The following RB1CC1 variants were observed in gnomAD, a reference collection of about 807,000 sequenced individuals.
The protein encoded by RB1CC1 is RB1-inducible coiled-coil protein 1.
A neutral mutation model predicts 177.5 loss-of-function variants in RB1CC1; 46 were observed. The observed-to-expected ratio is 0.26, with a 90% CI of 0.20 to 0.33. The LOEUF (loss-of-function observed/expected upper bound fraction) is 0.33. RB1CC1 is among the 10% of genes least tolerant of loss of function. The pLI is 1.00. For missense variants in RB1CC1, 1,703 were observed against 1,816.3 expected, an observed-to-expected ratio of 0.94 and a Z score of 1.13; for synonymous variants, 666 against 613.6, an observed-to-expected ratio of 1.09 and a Z score of -1.26.
chr8:52,627,377 A>G (rs569439587), intron 22 of RB1CC1, among the ~76,000 whole-genome samples: 14 of 152,292 alleles, frequency 9.2e-5, no homozygotes, highest in Admixed American at 7.8e-4. Flanking sequence ...AAATATATAG[A>G]TAAGATACTT....
chr8:52,645,793 T>G lies in RB1CC1; in HGVS notation c.3896A>C (p.Lys1299Thr). 1 of 1,611,344 alleles carries G rather than the reference T, an allele frequency of 6.2e-7. No individual in the cohort carries two copies. The highest frequency in any genetic ancestry group is 8.5e-7 in the Non-Finnish European group (1 of 1,179,278). ...AELQEKLQEE[K>T]AKFLEQLEEQ... ...TTCAAGTTGTTCTAGAAACTTAGCT[T>G]TTTCTTCCTGAAGCTTTTCTTGAAG... is the stretch of plus-strand genomic sequence containing the variant. The change falls in exon 16 of 24, where the codon AAA becomes ACA. Residue 1299 changes from lysine (K) to threonine (T), a missense_variant. Around this residue, in one of 6 missense-constraint regions of RB1CC1, gnomAD observed 1,169 missense variants for 1,184.7 expected, o/e 0.99. Transcript: ENST00000025008.
At chr8:52,680,702 AG>A (rs1476069463) in intron 5 of RB1CC1, among the ~76,000 whole-genome samples, 7 of 152,240 alleles carry the variant, frequency 4.6e-5, no homozygotes, top group Non-Finnish European at 7.3e-5. Context: ...TTCGTACAAT[AG>A]AATACAATGC....
Position 52,656,316 on chromosome 8 carries a change from GTTT to G in RB1CC1, c.3510_3512del (p.Lys1170del). Reference sequence around the variant, plus strand: ...GCAGTTCAATTATTTGTTCTTTTAGGTTTTTTTCTATTTCAAATGCTTGGTTAT... The same window carrying G: ...GCAGTTCAATTATTTGTTCTTTTAGGTTTTCTATTTCAAATGCTTGGTTAT... On this transcript the variant is annotated inframe_deletion, in exon 15 of 24. Coordinates refer to ENST00000025008, the MANE Select transcript of RB1CC1 (RefSeq NM_014781.5). 6.2e-7 allele frequency: 1 copy of G among 1,612,518 alleles called. No individual in the cohort carries two copies. Among genetic ancestry groups the G allele is most frequent in the Non-Finnish European group, 8.5e-7 (1 of 1,179,622 alleles).
chr8:52,713,271 G>A (rs1206842445), intron 1 of RB1CC1, among the ~76,000 whole-genome samples: 1 of 152,134 alleles, frequency 6.6e-6, no homozygotes, highest in East Asian at 1.9e-4. Context: ...CTACTTCAAG[G>A]TATGACCACA....
At chr8:52,658,213 A>G (rs1226102032) in intron 13 of RB1CC1, 89 bp from the exon 14 acceptor site, 17 of 1,314,886 alleles carry the variant, frequency 1.3e-5, no homozygotes, top group Non-Finnish European at 1.6e-5. Flanking sequence ...GTCAAAAATA[A>G]CAAGAGCCTT....
chr8:52,658,237 A>C lies in RB1CC1; in HGVS notation c.1794-113T>G, dbSNP rs541807937. On this transcript the variant is annotated intron_variant, in intron 13 of 23. Transcript: ENST00000025008. ...AACAAGAGCCTTATCATTCCTTTTT[A>C]AATTAATACCAGAAGTATTTTAAGA... 64 of 1,161,508 alleles carry C rather than the reference A, an allele frequency of 5.5e-5. 1 individual carries two copies. The South Asian group carries it at 9.8e-4, about 18-fold the overall frequency. 72.0% of individuals were successfully genotyped at this position (1,161,508 alleles called of 1,614,324 possible).
intron 1 of RB1CC1, among the ~76,000 whole-genome samples, chr8:52,699,856 T>TACAC (rs1411241229): frequency 1.2e-5 from 1 of 86,942 alleles, no homozygotes; most frequent in African/African-American, 4.3e-5. Context: ...TATATATATA[T>TACAC]ATACACACAA....
chr8:52,694,004 T>G (rs1225626939), intron 1 of RB1CC1, among the ~76,000 whole-genome samples: 1 of 152,226 alleles, frequency 6.6e-6, no homozygotes, highest in Non-Finnish European at 1.5e-5. Flanking sequence ...CTGGTCATCC[T>G]GGCAGTGTGG....
chr8:52,704,454 T>C (rs1039169693), intron 1 of RB1CC1, among the ~76,000 whole-genome samples: 5 of 85,524 alleles, frequency 5.8e-5, no homozygotes, highest in Non-Finnish European at 1.4e-4. Flanking sequence ...AAAGGTGACA[T>C]TAAAAAAAAA....
At chr8:52,694,068 G>C (rs900002426) in intron 1 of RB1CC1, among the ~76,000 whole-genome samples, 1 of 152,104 alleles carries the variant, frequency 6.6e-6, no homozygotes, top group Non-Finnish European at 1.5e-5. Context: ...AACATATAGA[G>C]GAGAACCTAC....
intron 8 of RB1CC1, among the ~76,000 whole-genome samples, chr8:52,664,432 C>A (rs1004567749): frequency 6.6e-6 from 1 of 151,994 alleles, no homozygotes; most frequent in African/African-American, 2.4e-5. Context: ...AAGGACTATA[C>A]CACTCAGGTA....
At chr8:52,651,423 CCCACAAAACTTAAA>C (rs1850573601) in intron 15 of RB1CC1, among the ~76,000 whole-genome samples, 1 of 152,192 alleles carries the variant, frequency 6.6e-6, no homozygotes, top group African/African-American at 2.4e-5. Flanking sequence ...GGCCATTTGG[CCCACAAAACTTAAA>C]CTACTTACTA....
chr8:52,666,650 G>A (rs1852095025), intron 8 of RB1CC1, among the ~76,000 whole-genome samples: 1 of 152,074 alleles, frequency 6.6e-6, no homozygotes, highest in African/African-American at 2.4e-5. Flanking sequence ...GATGATGAAT[G>A]GCTAAGACTA....
intron 7 of RB1CC1, among the ~76,000 whole-genome samples, chr8:52,672,954 A>G (rs1852745261): frequency 6.6e-6 from 1 of 152,224 alleles, no homozygotes; most frequent in Non-Finnish European, 1.5e-5. Context: ...AGAAATGCTT[A>G]GCCTACAGAA....
At chr8:52,681,142 C>T (rs1853680364) in intron 5 of RB1CC1, among the ~76,000 whole-genome samples, 1 of 151,780 alleles carries the variant, frequency 6.6e-6, no homozygotes, top group Admixed American at 6.6e-5. Context: ...CAGGCACATG[C>T]CAGCATGCCC....
rs750115861 is a variant in RB1CC1 at position 52,623,677 on chromosome 8, T to C, written c.*105A>G. 1 of 788,798 alleles carries C rather than the reference T, an allele frequency of 1.3e-6. No homozygotes were observed. The highest frequency in any genetic ancestry group is 2.6e-5 in the East Asian group (1 of 38,208). 48.9% of individuals were successfully genotyped at this position (788,798 alleles called of 1,614,324 possible). On this transcript the variant is annotated 3_prime_UTR_variant, in exon 24 of 24. Transcript: ENST00000025008. The stretch of plus-strand genomic sequence containing the variant: ...ACACCAGTGAAGTATATTGTCACGC[T>C]GACTTTTGCATAAAAAGATGGCCTG...
intron 1 of RB1CC1, among the ~76,000 whole-genome samples, chr8:52,687,401 T>C (rs1257042938): frequency 6.6e-6 from 1 of 152,192 alleles, no homozygotes; most frequent in Non-Finnish European, 1.5e-5. Flanking sequence ...ATCCACCTAC[T>C]GTATTCATAC....
chr8:52,658,150 A>T, intron 13 of RB1CC1, 26 bp from the exon 14 acceptor site: 1 of 1,591,696 alleles, frequency 6.3e-7, no homozygotes, highest in Non-Finnish European at 8.5e-7. Context: ...ATGCAATTAG[A>T]CTTCTGATTT....
intron 1 of RB1CC1, among the ~76,000 whole-genome samples, chr8:52,689,052 C>A (rs563011176): frequency 6.6e-6 from 1 of 152,320 alleles, no homozygotes; most frequent in African/African-American, 2.4e-5. Flanking sequence ...GCTGCTGCTA[C>A]CACCACTGTT....
Sources: allele counts gnomAD v4.1 joint callset (sites outside exome capture counted in the v4.1 genomes callset), GRCh38; gene constraint gnomAD v4.1.1; regional missense constraint gnomAD v4.1.1; transcripts MANE v1.5; gene names NCBI Gene and HGNC (gene_info 2026-07-23, HGNC 2026-07-21).